Variants in GPR155 observed in about 807,000 individuals in gnomAD.
GPR155 encodes the protein lysosomal cholesterol signaling protein.
A neutral mutation model predicts 93.1 loss-of-function variants in GPR155; 65 were observed. That is an observed-to-expected ratio of 0.70 (90% confidence interval 0.57 to 0.86). The LOEUF (loss-of-function observed/expected upper bound fraction) is 0.86, where lower values mean the gene tolerates loss of function less well. Ranked by LOEUF, GPR155 falls within the 40% of genes least tolerant of loss-of-function variation. The pLI is 0.00. For synonymous variants in GPR155, 319 were observed against 360.1 expected (o/e 0.89, Z 1.29); for missense variants, 838 against 1,034.8 (o/e 0.81, Z 2.61).
intron 3 of GPR155, among the ~76,000 whole-genome samples, chr2:174,471,173 T>C (rs958209493): frequency 2.0e-5 from 3 of 151,446 alleles, no homozygotes; most frequent in Non-Finnish European, 2.9e-5. Context: ...GGATCACGAG[T>C]TCAGGTCAGG....
chr2:174,478,792 C>T (rs1688239297), intron 2 of GPR155, among the ~76,000 whole-genome samples: 1 of 151,754 alleles, frequency 6.6e-6, no homozygotes, highest in African/African-American at 2.4e-5. Context: ...AGTGGGAATT[C>T]CTTGGAGAGG....
Position 174,432,686 on chromosome 2 carries a change from T to A in GPR155, c.*3430A>T, listed in dbSNP as rs1686669782. 6.6e-6 allele frequency: 1 copy of A among 151,374 alleles called. No homozygotes were observed. Among genetic ancestry groups the A allele is most frequent in the Non-Finnish European group, 1.5e-5 (1 of 67,940 alleles). 9.4% of individuals were successfully genotyped at this position (151,374 alleles called of 1,614,324 possible). A position where few individuals can be genotyped will look rare whatever the true frequency, so the allele number is the denominator to read the frequency against. On this transcript the variant is annotated 3_prime_UTR_variant, in exon 16 of 16. Coordinates refer to ENST00000392552, the MANE Select transcript of GPR155 (RefSeq NM_152529.7). ...ACATCCCCATTCCCTAATCACAACT[T>A]AAAATTGGTATAGGTTAATAGTACA...
At chr2:174,475,051 T>A (rs1373454880) in intron 2 of GPR155, among the ~76,000 whole-genome samples, 1 of 151,678 alleles carries the variant, frequency 6.6e-6, no homozygotes, top group Admixed American at 6.6e-5. Context: ...ATCCCAGCAC[T>A]TTGGGAGGCC....
chr2:174,461,712 A>G, intron 7 of GPR155, 40 bp from the exon 8 acceptor site: 1 of 1,097,226 alleles, frequency 9.1e-7, no homozygotes, highest in Non-Finnish European at 1.4e-6. Context: ...GTTACTCAAC[A>G]TTGATCAGAC....
intron 1 of GPR155, 113 bp from the exon 2 acceptor site, chr2:174,482,100 T>C: frequency 1.7e-6 from 1 of 597,124 alleles, no homozygotes; most frequent in Non-Finnish European, 3.0e-6. Context: ...TAAATATACA[T>C]ACCCCTAGAT....
At chr2:174,441,468 A>G (rs1686957682) in intron 14 of GPR155, among the ~76,000 whole-genome samples, 1 of 151,960 alleles carries the variant, frequency 6.6e-6, no homozygotes, top group Non-Finnish European at 1.5e-5. Flanking sequence ...GTTCTAGGGT[A>G]CATGTAAAAA....
chr2:174,461,495 G>A lies in GPR155; in HGVS notation c.1470-3C>T. On this transcript the variant is annotated splice_polypyrimidine_tract_variant and splice_region_variant and intron_variant, in intron 8 of 15. Transcript: ENST00000392552. ...CACCAACAAGGAGAGCAGGAATTCTGTAATCACAAGTGATATTGGGAGAGA... is the reference window on the plus strand; with the variant it reads ...CACCAACAAGGAGAGCAGGAATTCTATAATCACAAGTGATATTGGGAGAGA... The A allele has an allele frequency of 6.2e-7, 1 of 1,604,242 alleles. No individual in the cohort carries two copies. The highest frequency in any genetic ancestry group is 1.1e-5 in the South Asian group (1 of 90,862).
At chr2:174,466,716 A>G in intron 5 of GPR155, 89 bp from the exon 6 acceptor site, 1 of 696,196 alleles carries the variant, frequency 1.4e-6, no homozygotes, top group Non-Finnish European at 2.5e-6. Flanking sequence ...TCTTTAAATA[A>G]CCCTCTTTGT....
intron 1 of GPR155, 89 bp from the exon 2 acceptor site, chr2:174,482,076 A>G (rs1025123071): frequency 4.5e-6 from 3 of 667,580 alleles, no homozygotes; most frequent in Non-Finnish European, 7.7e-6. Flanking sequence ...TTGTTTACTT[A>G]TTAAATGGCC....
In GPR155 at chr2:174,461,446, T is replaced by A; in HGVS notation, c.1516A>T (p.Asn506Tyr). 6.2e-7 allele frequency: 1 copy of A among 1,613,632 alleles called. No homozygotes were observed. The highest frequency in any genetic ancestry group is 8.5e-7 in the Non-Finnish European group (1 of 1,179,654). The change falls in exon 9 of 16, where the codon AAT becomes TAT. Residue 506 changes from asparagine to tyrosine, a missense_variant. By Grantham distance (143) the Asn-to-Tyr change is moderately radical. Transcript: ENST00000392552. ...AAGGCTGAGTCAATGCTATCTCCAT[T>A]GTGTTTTCCAGTTATCAAAAGAACA... ...VGVLLITGKH[N>Y]GDSIDSAFFY... is the part of the protein sequence containing the mutation.
At chr2:174,483,347 A>G (rs1688384687) in intron 1 of GPR155, among the ~76,000 whole-genome samples, 1 of 152,248 alleles carries the variant, frequency 6.6e-6, no homozygotes, top group Admixed American at 6.5e-5. Context: ...AGAACCAAGA[A>G]CACAAAATAT....
At chr2:174,437,272 C>T (rs1365768468) in intron 15 of GPR155, among the ~76,000 whole-genome samples, 1 of 151,790 alleles carries the variant, frequency 6.6e-6, no homozygotes, top group African/African-American at 2.4e-5. Context: ...AAGTGCTTGA[C>T]GTGGGAAATG....
At chr2:174,458,629 A>G (rs575517990) in intron 10 of GPR155, among the ~76,000 whole-genome samples, 10 of 152,154 alleles carry the variant, frequency 6.6e-5, no homozygotes, top group Admixed American at 5.9e-4. Context: ...CAAAGACTCA[A>G]CTCTGCCATT....
chr2:174,464,315 C>T (rs1687780852), intron 7 of GPR155, among the ~76,000 whole-genome samples: 1 of 151,450 alleles, frequency 6.6e-6, no homozygotes, highest in Non-Finnish European at 1.5e-5. Flanking sequence ...CAAATGAAAC[C>T]TGGGATTTTA....
Position 174,473,029 on chromosome 2 carries a change from C to T in GPR155, c.796G>A (p.Gly266Arg). ...GACTTCTTCAGTCTCTTTATTTTTC[C>T]CACCATCGTGAGACCAAGATAAAAT... Reference protein sequence around the residue: ...ALFYLGLTMVGKIKRLKKSAF... With the variant: ...ALFYLGLTMVRKIKRLKKSAF... Residue 266 changes from glycine (G) to arginine (R), a missense_variant, in exon 3 of 16, where the codon GGA (glycine) becomes AGA (arginine). Transcript: ENST00000392552. 1 of 1,594,194 alleles carries T rather than the reference C, an allele frequency of 6.3e-7. No individual in the cohort carries two copies. The highest frequency in any genetic ancestry group is 8.5e-7 in the Non-Finnish European group (1 of 1,175,236).
chr2:174,461,373 G>T, intron 9 of GPR155, 29 bp downstream of exon 9: 5 of 1,380,308 alleles, frequency 3.6e-6, no homozygotes, highest in Non-Finnish European at 5.2e-6. Flanking sequence ...ACATTCTCAA[G>T]AACAGAACTG....
chr2:174,477,625 T>A (rs1688204914), intron 2 of GPR155, among the ~76,000 whole-genome samples: 1 of 152,208 alleles, frequency 6.6e-6, no homozygotes, highest in Non-Finnish European at 1.5e-5. Context: ...TAACATTACA[T>A]CTTTATCTAT....
rs1355201322 is a variant in GPR155, at chr2:174,453,745, A to G, written c.1868T>C (p.Phe623Ser). The G allele has an allele frequency of 1.2e-6, 2 of 1,600,210 alleles. No individual in the cohort carries two copies. The highest frequency in any genetic ancestry group is 1.3e-5 in the African/African-American group (1 of 74,548). The change falls in exon 11 of 16, where the codon TTT becomes TCT. Residue 623 changes from phenylalanine to serine, a missense_variant. This residue lies in a region of GPR155 where 663 missense variants were observed against 790.1 expected (regional missense o/e 0.84). Transcript: ENST00000392552. Reference protein sequence around the residue: ...TSTSEPVIPSFEKNNHCVSRC... With the variant: ...TSTSEPVIPSSEKNNHCVSRC... ...AGTCCAGAGGCACTTACTTTTCTCA[A>G]ACGAAGGAATCACAGGCTCACTGGT...
chr2:174,465,472 G>A (rs1017594644), intron 7 of GPR155, among the ~76,000 whole-genome samples: 2 of 152,084 alleles, frequency 1.3e-5, no homozygotes, highest in Admixed American at 6.6e-5. Context: ...TCCCATTCCC[G>A]CCTTTCTCCA....
Sources: allele counts gnomAD v4.1 joint callset (sites outside exome capture counted in the v4.1 genomes callset), GRCh38; gene constraint gnomAD v4.1.1; regional missense constraint gnomAD v4.1.1; transcripts MANE v1.5; gene names NCBI Gene and HGNC (gene_info 2026-07-23, HGNC 2026-07-21).